The following PPM1N variants were observed in gnomAD, a reference collection of about 807,000 sequenced individuals.
PPM1N encodes probable protein phosphatase 1N.
Under a neutral mutation model 32.6 loss-of-function variants are expected in PPM1N, and 35 were observed. That is an observed-to-expected ratio of 1.07 (90% CI 0.82 to 1.43). The LOEUF is 1.43. PPM1N is among the 40% of genes most tolerant of loss of function. The probability of loss-of-function intolerance (pLI) is 0.00; values close to 1 mark genes in which losing one functional copy is unlikely to be tolerated. For missense variants in PPM1N, 648 were observed against 606.6 expected, an observed-to-expected ratio of 1.07 and a Z score of -0.72; for synonymous variants, 275 against 270.5, an observed-to-expected ratio of 1.02 and a Z score of -0.16.
chr19:45,499,056 T>C lies in PPM1N; in HGVS notation c.584T>C (p.Phe195Ser). ...AVLSRAGAVA[F>S]STEDHRPLRP... ...CTGAGCCGCGCTGGCGCCGTGGCCT[T>C]CAGCACAGAGGACCACCGGCCCCTT... Residue 195 changes from phenylalanine (F) to serine (S), a missense_variant, in exon 1 of 5, where the codon TTC (phenylalanine) becomes TCC (serine). Phe to Ser is a radical substitution (Grantham distance 155). Coordinates refer to ENST00000451287, the MANE Select transcript of PPM1N (RefSeq NM_001080401.2). The C allele has an allele frequency of 3.9e-6, 6 of 1,535,992 alleles. No individual in the cohort carries two copies. Among genetic ancestry groups the C allele is most frequent in the Non-Finnish European group, 5.2e-6 (6 of 1,152,012 alleles).
At chr19:45,500,747 G>A (rs1327626732) in intron 4 of PPM1N, 37 bp downstream of exon 4, 2 of 1,536,302 alleles carry the variant, frequency 1.3e-6, no homozygotes, top group African/African-American at 2.7e-5. Context: ...TCTCTTAGGA[G>A]GGGACGCCCC....
chr19:45,500,845 T>C, intron 4 of PPM1N, 135 bp downstream of exon 4: 1 of 683,566 alleles, frequency 1.5e-6, no homozygotes. Context: ...TTTCTCTTCT[T>C]TCTTTCTCTT....
Position 45,498,735 on chromosome 19 carries a change from C to T in PPM1N, c.263C>T (p.Ser88Leu). The T allele has an allele frequency of 6.4e-7, 1 of 1,551,270 alleles. No individual in the cohort carries two copies. Among genetic ancestry groups the T allele is most frequent in the Non-Finnish European group, 8.7e-7 (1 of 1,153,006 alleles). ...GAGGATGCTCACTGCACTTGGCTTT[C>T]GTTACCTGGTCTGCCCCCGGGCTGG... The part of the protein sequence containing the change: ...RMEDAHCTWL[S>L]LPGLPPGWAL... The change falls in exon 1 of 5, where the codon TCG becomes TTG. Residue 88 changes from serine (S) to leucine (L), a missense_variant. Ser to Leu is a moderately radical substitution (Grantham distance 145). Coordinates refer to ENST00000451287, the MANE Select transcript of PPM1N (RefSeq NM_001080401.2).
At chr19:45,500,744 G>C in intron 4 of PPM1N, 34 bp downstream of exon 4, 1 of 1,545,826 alleles carries the variant, frequency 6.5e-7, no homozygotes, top group Non-Finnish European at 8.8e-7. Flanking sequence ...GTTTCTCTTA[G>C]GAGGGGACGC....
chr19:45,500,141 CT>C (rs5828239), intron 2 of PPM1N, 75 bp downstream of exon 2: 18,214 of 1,193,044 alleles, frequency 0.015, no homozygotes, highest in East Asian at 0.018. Flanking sequence ...TTCTTTTTTT[CT>C]TTTTTTTTTT....
chr19:45,500,878 C>G (rs1379372087), intron 4 of PPM1N, among the ~76,000 whole-genome samples, 168 bp downstream of exon 4: 1 of 151,014 alleles, frequency 6.6e-6, no homozygotes, highest in Non-Finnish European at 1.5e-5. Context: ...TCCTTCCTTT[C>G]TTTTCTCTCT....
chr19:45,499,254 C>A lies in PPM1N; in HGVS notation c.782C>A (p.Ala261Glu). 1 of 1,606,900 alleles carries A rather than the reference C, an allele frequency of 6.2e-7. No individual in the cohort carries two copies. Among genetic ancestry groups the A allele is most frequent in the Non-Finnish European group, 8.5e-7 (1 of 1,177,814 alleles). Residue 261 changes from alanine (A) to glutamate (E), a missense_variant, in exon 1 of 5, where the codon GCA becomes GAA. By Grantham distance (107) the Ala-to-Glu change is moderately radical. Coordinates refer to ENST00000451287, the MANE Select transcript of PPM1N (RefSeq NM_001080401.2). ...VSAEPEVAALARQAEDEFMLL... is the reference protein window; with the variant it reads ...VSAEPEVAALERQAEDEFMLL... ...GCGGAGCCAGAGGTGGCCGCACTGGCACGCCAGGCTGAGGACGAGTTCATG... is the reference window on the plus strand; with the variant it reads ...GCGGAGCCAGAGGTGGCCGCACTGGAACGCCAGGCTGAGGACGAGTTCATG...
In PPM1N at chr19:45,498,812, G is replaced by T; in HGVS notation, c.340G>T (p.Gly114Cys). The change falls in exon 1 of 5, where the codon GGT becomes TGT. Residue 114 changes from glycine (G) to cysteine (C), a missense_variant. By Grantham distance (159) the Gly-to-Cys change is radical. Coordinates refer to ENST00000451287, the MANE Select transcript of PPM1N (RefSeq NM_001080401.2). ...CGGTGGGGCTCGAGCTGCCCGCTTC[G>T]GTGCACGCCATTTGCCAGGCCATGT... is the stretch of plus-strand genomic sequence containing the variant. ...GHGGARAARF[G>C]ARHLPGHVLQ... 1 of 1,546,174 alleles carries T rather than the reference G, an allele frequency of 6.5e-7. No homozygotes were observed. Among genetic ancestry groups the T allele is most frequent in the African/African-American group, 1.4e-5 (1 of 71,098 alleles).
rs143915607 is a variant in PPM1N at position 45,499,988 on chromosome 19, C to T, written c.979C>T (p.Pro327Ser). ...CATGACCTGCATCCTGGTCTGCTTC[C>T]CTGGGGCCCCTAGGCCTTCTGAGGA... ...DNMTCILVCF[P>S]GAPRPSEEAI... The change falls in exon 2 of 5, where the codon CCT becomes TCT. Residue 327 changes from proline (P) to serine (S), a missense_variant. Physicochemically the swap from Pro to Ser is moderately conservative, Grantham distance 74. Transcript: ENST00000451287. The T allele has an allele frequency of 1.2e-4, 193 of 1,602,620 alleles. No individual in the cohort carries two copies. In the African/African-American group the frequency reaches 2.5e-3, roughly 20 times the overall value.
In PPM1N at chr19:45,498,538, G is replaced by A; in HGVS notation, c.66G>A (p.Glu22=). The A allele has an allele frequency of 1.4e-6, 2 of 1,439,250 alleles. No homozygotes were observed. Among genetic ancestry groups the A allele is most frequent in the South Asian group, 2.9e-5 (2 of 68,416 alleles). 89.2% of individuals were successfully genotyped at this position (1,439,250 alleles called of 1,614,324 possible). The change falls in exon 1 of 5, where the codon GAG becomes GAA. Residue 22 remains glutamate, a synonymous_variant. Transcript: ENST00000451287. ...CCGCTTGCAAGAAAAAGGAGAGGGAGAAGGAGGGGAGGGAGGAAGAGGAGG... is the reference window on the plus strand; with the variant it reads ...CCGCTTGCAAGAAAAAGGAGAGGGAAAAGGAGGGGAGGGAGGAAGAGGAGG... The part of the protein sequence containing the change: ...LWTACKKKER[E]KEGREEEEEE...
At position 45,502,292 on chromosome 19, in the gene PPM1N, G is replaced by T; in HGVS notation, c.*207G>T. On this transcript the variant is annotated 3_prime_UTR_variant, in exon 5 of 5. Coordinates refer to ENST00000451287, the MANE Select transcript of PPM1N (RefSeq NM_001080401.2). ...ATTCCACCAACATCCAGACCAAAAA[G>T]AAAAAAGCCCAAATCGAAAAAAAAA... 1.4e-3 allele frequency: 26 copies of T among 18,824 alleles called. No individual in the cohort carries two copies. The highest frequency in any genetic ancestry group is 2.2e-3 in the Non-Finnish European group (18 of 8,084). The allele number at this position is 18,824 out of a possible 1,614,324, so 1.2% of individuals were successfully genotyped here.
At chr19:45,500,828 T>C (rs1210892059) in intron 4 of PPM1N, 118 bp downstream of exon 4, 1 of 722,300 alleles carries the variant, frequency 1.4e-6, no homozygotes, top group African/African-American at 1.8e-5. Flanking sequence ...ATATATTTTA[T>C]TCCTCTTTTC....
chr19:45,500,046 C>T lies in PPM1N; in HGVS notation c.1037C>T (p.Ala346Val). ...AGGAGGGAGCTAGCACTGGACGCAG[C>T]CCTGGGCTGCAGAATCGCTGGTGAG... is the stretch of plus-strand genomic sequence containing the variant. ...AIRRELALDAALGCRIAELCA... is the reference protein window; with the variant it reads ...AIRRELALDAVLGCRIAELCA... The change falls in exon 2 of 5, where the codon GCC becomes GTC. Residue 346 changes from alanine (A) to valine (V), a missense_variant. Ala to Val is a moderately conservative substitution (Grantham distance 64). Coordinates refer to ENST00000451287, the MANE Select transcript of PPM1N (RefSeq NM_001080401.2). 2 of 1,596,182 alleles carry T rather than the reference C, an allele frequency of 1.3e-6. No homozygotes were observed. Among genetic ancestry groups the T allele is most frequent in the Non-Finnish European group, 1.7e-6 (2 of 1,170,494 alleles).
chr19:45,502,335 C>CAAAAAAAAAAAAAAAAAAAAAAAAAA lies in PPM1N; in HGVS notation c.*257_*258insAAAAAAAAAAAAAAAAAAAAAAAAAA. 3.0e-6 allele frequency: 1 copy of CAAAAAAAAAAAAAAAAAAAAAAAAAA among 334,312 alleles called. No individual in the cohort carries two copies. The highest frequency in any genetic ancestry group is 4.0e-5 in the South Asian group (1 of 25,088). 20.7% of individuals were successfully genotyped at this position (334,312 alleles called of 1,614,324 possible). On this transcript the variant is annotated 3_prime_UTR_variant, in exon 5 of 5. Transcript: ENST00000451287. ...AAAAAAAAAAAAAAAAAAAAAAAAACAAAAAAACCCAACCAAATGTTTTTG... is the reference window on the plus strand; with the variant it reads ...AAAAAAAAAAAAAAAAAAAAAAAAACAAAAAAAAAAAAAAAAAAAAAAAAAAAAAAAAACCCAACCAAATGTTTTTG...
intron 2 of PPM1N, 34 bp downstream of exon 2, chr19:45,500,100 G>A (rs1341599744): frequency 6.4e-7 from 1 of 1,555,668 alleles, no homozygotes; most frequent in Non-Finnish European, 8.7e-7. Context: ...CTGGAGGGGT[G>A]GTTGGCCAGT....
intron 1 of PPM1N, 158 bp downstream of exon 1, chr19:45,499,569 C>T (rs987804336): frequency 9.7e-6 from 15 of 1,549,778 alleles, no homozygotes; most frequent in Non-Finnish European, 1.2e-5. Flanking sequence ...GTGGGCAGGG[C>T]CAAAATACAG....
intron 4 of PPM1N, 144 bp from the exon 5 acceptor site, chr19:45,501,873 G>T (rs1010865998): frequency 1.2e-5 from 6 of 491,504 alleles, no homozygotes; most frequent in Non-Finnish European, 2.1e-5. Flanking sequence ...GCCAGGCTGG[G>T]GTCGCACTTG....
rs762642299 is a variant in PPM1N at position 45,498,624 on chromosome 19, G to A, written c.152G>A (p.Arg51His). Residue 51 changes from arginine (R) to histidine (H), a missense_variant, in exon 1 of 5, where the codon CGC becomes CAC. Coordinates refer to ENST00000451287, the MANE Select transcript of PPM1N (RefSeq NM_001080401.2). ...GPRSLLTAPR[R>H]AQRPHGGAEA... ...CGGTCTCTGTTGACAGCGCCGCGCC[G>A]CGCCCAGCGGCCGCACGGGGGTGCC... 2,083 of 1,414,382 alleles carry A rather than the reference G, an allele frequency of 1.5e-3. 3 individuals carry two copies. Among genetic ancestry groups the A allele is most frequent in the Non-Finnish European group, 1.8e-3 (1,921 of 1,090,078 alleles). 87.6% of individuals were successfully genotyped at this position (1,414,382 alleles called of 1,614,324 possible). A position where few individuals can be genotyped will look rare whatever the true frequency, so the allele number is the denominator to read the frequency against.
At chr19:45,499,550 T>A (rs1034694298) in intron 1 of PPM1N, 139 bp downstream of exon 1, 4 of 1,550,254 alleles carry the variant, frequency 2.6e-6, no homozygotes. Context: ...GCGAAGGGCG[T>A]GGCCTGAAGT....
Sources: gnomAD v4.1 joint callset for allele counts (sites outside exome capture counted in the v4.1 genomes callset) on GRCh38, gnomAD v4.1.1 for gene constraint, MANE v1.5 for transcripts, NCBI Gene and HGNC (gene_info 2026-07-23, HGNC 2026-07-21) for gene names.